Variants in CREB5 observed in about 807,000 individuals in gnomAD.
The protein encoded by CREB5 is cyclic AMP-responsive element-binding protein 5.
Under a neutral mutation model 57.1 loss-of-function variants are expected in CREB5, and 19 were observed. That is an observed-to-expected ratio of 0.33 (90% CI 0.23 to 0.49). The LOEUF is 0.49. CREB5 is among the 20% of genes least tolerant of loss of function. CREB5 has a pLI of 0.99. For missense variants in CREB5, 579 were observed against 671.6 expected, an observed-to-expected ratio of 0.86 and a Z score of 1.52; for synonymous variants, 238 against 238.3, an observed-to-expected ratio of 1.00 and a Z score of 0.01.
At chr7:28,363,941 A>T (rs188566953) in intron 1 of CREB5, among the ~76,000 whole-genome samples, 60 of 152,336 alleles carry the variant, frequency 3.9e-4, no homozygotes, top group Admixed American at 3.3e-3. Context: ...TGCACAAGGA[A>T]GTTTTAACCC....
At chr7:28,373,904 C>CATATATATATATAT (rs10585117) in intron 1 of CREB5, among the ~76,000 whole-genome samples, 78 of 146,254 alleles carry the variant, frequency 5.3e-4, no homozygotes, top group Non-Finnish European at 6.5e-4. Context: ...TTTCTGCATC[C>CATATATATATATAT]ATATATATAT....
chr7:28,652,194 A>C (rs948282926), intron 5 of CREB5, among the ~76,000 whole-genome samples: 1 of 152,174 alleles, frequency 6.6e-6, no homozygotes, highest in Non-Finnish European at 1.5e-5. Flanking sequence ...CATATCTAAT[A>C]GTTTATATTA....
intron 1 of CREB5, among the ~76,000 whole-genome samples, chr7:28,374,819 C>G (rs928897981): frequency 2.6e-5 from 4 of 152,180 alleles, no homozygotes; most frequent in African/African-American, 9.7e-5. Context: ...GAATATCCAT[C>G]CCAGGTTCAC....
chr7:28,407,238 C>T lies in CREB5; in HGVS notation c.-24-87668C>T, dbSNP rs111881205. On this transcript the variant is annotated intron_variant, in intron 1 of 9. Transcript: ENST00000396299. The stretch of plus-strand genomic sequence containing the variant: ...CTAATTTTTGTATTTTCAGTAGAGA[C>T]GGGCGTTTCACCATGTTGGTCAGGC... 4.1e-3 allele frequency among the ~76,000 whole-genome samples: 621 copies of T among 152,140 alleles called. 4 individuals are homozygous for T. Among genetic ancestry groups the T allele is most frequent in the African/African-American group, 0.014 (593 of 41,510 alleles).
chr7:28,542,621 A>G (rs1794252668), intron 4 of CREB5, among the ~76,000 whole-genome samples: 1 of 152,124 alleles, frequency 6.6e-6, no homozygotes, highest in African/African-American at 2.4e-5. Context: ...CTGCTCACCA[A>G]GAAGAAACTG....
At chr7:28,417,605 C>T (rs1316368307) in intron 1 of CREB5, among the ~76,000 whole-genome samples, 1 of 152,174 alleles carries the variant, frequency 6.6e-6, no homozygotes, top group East Asian at 1.9e-4. Context: ...GGGGTGAAGG[C>T]CTGAGCCTCT....
intron 7 of CREB5, among the ~76,000 whole-genome samples, chr7:28,792,251 G>A (rs1807758516): frequency 6.6e-6 from 1 of 151,756 alleles, no homozygotes; most frequent in South Asian, 2.1e-4. Flanking sequence ...TTGCAGTGAG[G>A]CAAGATCACA....
chr7:28,413,852 A>G lies in CREB5; in HGVS notation c.3+935A>G, dbSNP rs577700038. 2.0e-5 allele frequency among the ~76,000 whole-genome samples: 3 copies of G among 152,264 alleles called. No homozygotes were observed. In the East Asian group the frequency reaches 5.8e-4, roughly 29 times the overall value. On this transcript the variant is annotated intron_variant, in intron 1 of 10. Transcript: ENST00000357727. The stretch of plus-strand genomic sequence containing the variant: ...AAGATTTTTGTTACAATGATTTGTC[A>G]GTTTCCCACACCTGCACATTCAAAA...
chr7:28,727,101 AGCACATGT>A (rs2128750242), intron 7 of CREB5, among the ~76,000 whole-genome samples: 1 of 151,828 alleles, frequency 6.6e-6, no homozygotes, highest in African/African-American at 2.4e-5. Context: ...TAGATCAAGA[AGCACATGT>A]GCAAATCTTT....
At chr7:28,526,667 C>T (rs972354990) in intron 4 of CREB5, among the ~76,000 whole-genome samples, 5 of 152,198 alleles carry the variant, frequency 3.3e-5, no homozygotes, top group African/African-American at 1.2e-4. Flanking sequence ...TAGGCAAACT[C>T]GAACTGCCTG....
rs1411604394 is a variant in CREB5, at chr7:28,823,413, T to C, written c.*4134T>C. On this transcript the variant is annotated 3_prime_UTR_variant, in exon 11 of 11. Coordinates refer to ENST00000357727, the MANE Select transcript of CREB5 (RefSeq NM_182898.4). ...CTGTAGGATCTACTTGTTTTTAAAG[T>C]GTTAGTCCATAATAAACTACTATAG... 6.6e-6 allele frequency: 1 copy of C among 152,622 alleles called. No individual in the cohort carries two copies. Among genetic ancestry groups the C allele is most frequent in the Non-Finnish European group, 1.5e-5 (1 of 68,046 alleles). The allele number at this position is 152,622 out of a possible 1,614,324, so 9.5% of individuals were successfully genotyped here. A position where few individuals can be genotyped will look rare whatever the true frequency, so the allele number is the denominator to read the frequency against.
chr7:28,425,654 C>T (rs926985917), intron 1 of CREB5, among the ~76,000 whole-genome samples: 1 of 152,152 alleles, frequency 6.6e-6, no homozygotes, highest in Non-Finnish European at 1.5e-5. Flanking sequence ...ACATGGGCTG[C>T]TAAATTCAGT....
intron 1 of CREB5, among the ~76,000 whole-genome samples, chr7:28,385,100 G>A (rs1245166142): frequency 6.6e-6 from 1 of 152,118 alleles, no homozygotes; most frequent in East Asian, 1.9e-4. Flanking sequence ...ATAACTCATA[G>A]TTTAAAAGAA....
chr7:28,359,872 A>G (rs1297018816), intron 1 of CREB5, among the ~76,000 whole-genome samples: 6 of 152,358 alleles, frequency 3.9e-5, no homozygotes, highest in Non-Finnish European at 8.8e-5. Flanking sequence ...AAACAACTCA[A>G]TAGCAAGGAA....
chr7:28,602,204 G>C (rs57375560), intron 5 of CREB5, among the ~76,000 whole-genome samples: 1 of 152,048 alleles, frequency 6.6e-6, no homozygotes, highest in Non-Finnish European at 1.5e-5. Flanking sequence ...TCGGCTCACT[G>C]CAACCTCTGC....
chr7:28,364,587 C>T (rs1287438251), intron 1 of CREB5, among the ~76,000 whole-genome samples: 1 of 152,114 alleles, frequency 6.6e-6, no homozygotes, highest in African/African-American at 2.4e-5. Flanking sequence ...TGCTCCAGAC[C>T]CCCTCCAGTG....
Position 28,490,335 on chromosome 7 carries a change from T to C in CREB5, c.75+2089T>C, listed in dbSNP as rs1343232296. Among the ~76,000 whole-genome samples, 16 of 152,282 alleles carry C rather than the reference T, an allele frequency of 1.1e-4. No homozygotes were observed. The East Asian group carries it at 3.1e-3, about 29-fold the overall frequency. ...GTATAATACAGGGATTAAGTTTACT[T>C]GGGGAGGTAAATGCCAGTCTCCACT... On this transcript the variant is annotated intron_variant, in intron 2 of 10. Coordinates refer to ENST00000357727, the MANE Select transcript of CREB5 (RefSeq NM_182898.4).
intron 4 of CREB5, among the ~76,000 whole-genome samples, chr7:28,516,866 G>T (rs750916689): frequency 2.0e-5 from 3 of 152,168 alleles, no homozygotes; most frequent in Non-Finnish European, 4.4e-5. Context: ...ACTCTCCTCC[G>T]AATGAATCCA....
chr7:28,330,405 T>C (rs1254440481), intron 1 of CREB5, among the ~76,000 whole-genome samples: 1 of 148,812 alleles, frequency 6.7e-6, no homozygotes. Context: ...ACCTTACTTT[T>C]TTTTTTTTTT....
Sources: gnomAD v4.1 joint callset for allele counts (sites outside exome capture counted in the v4.1 genomes callset) on GRCh38, gnomAD v4.1.1 for gene constraint, MANE v1.5 for transcripts, NCBI Gene and HGNC (gene_info 2026-07-23, HGNC 2026-07-21) for gene names.